The following FRMD4A variants were observed in gnomAD, a reference collection of about 807,000 sequenced individuals.
FRMD4A encodes the protein FERM domain-containing protein 4A.
A neutral mutation model predicts 129.1 loss-of-function variants in FRMD4A; 29 were observed. That is an observed-to-expected ratio of 0.22 (90% CI 0.17 to 0.31). The LOEUF (loss-of-function observed/expected upper bound fraction) is 0.31, where lower values mean the gene tolerates loss of function less well. Among genes scored for constraint, FRMD4A ranks in the 10% least tolerant of loss-of-function variants. The pLI, the probability that FRMD4A is intolerant of heterozygous loss-of-function variation, is 1.00. For synonymous variants in FRMD4A, 634 were observed against 571.6 expected (o/e 1.11, Z -1.56); for missense variants, 1,272 against 1,375.8 (o/e 0.92, Z 1.19).
intron 2 of FRMD4A, among the ~76,000 whole-genome samples, chr10:13,926,895 C>T (rs886577981): frequency 2.6e-5 from 4 of 152,138 alleles, no homozygotes; most frequent in Admixed American, 1.3e-4. Flanking sequence ...CCCACCTTTC[C>T]GAAGAAGGTA....
intron 3 of FRMD4A, among the ~76,000 whole-genome samples, chr10:13,848,595 AGTGTGTGTGTGTACGTGTGT>A (rs1160584486): frequency 9.7e-4 from 130 of 134,406 alleles, no homozygotes; most frequent in South Asian, 4.9e-3. Flanking sequence ...CCTGGGTGTG[AGTGTGTGTGTGTACGTGTGT>A]GTGTGTGTGT....
chr10:14,273,890 A>T (rs1451150146), intron 2 of FRMD4A, among the ~76,000 whole-genome samples: 1 of 152,224 alleles, frequency 6.6e-6, no homozygotes, highest in Non-Finnish European at 1.5e-5. Flanking sequence ...AGTGCAGGGC[A>T]CTGTGCTGGA....
At chr10:14,316,357 C>T (rs1342661487) in intron 2 of FRMD4A, among the ~76,000 whole-genome samples, 1 of 152,016 alleles carries the variant, frequency 6.6e-6, no homozygotes, top group African/African-American at 2.4e-5. Flanking sequence ...CTCTTTCTTG[C>T]CCCTCTGCCT....
intron 15 of FRMD4A, chr10:13,675,950 G>A (rs1419332658): frequency 1.3e-5 from 2 of 152,012 alleles, no homozygotes; most frequent in African/African-American, 4.8e-5. Flanking sequence ...TGTATCATGA[G>A]CAAATTCCCT....
chr10:14,211,655 T>C (rs946790878), intron 2 of FRMD4A, among the ~76,000 whole-genome samples: 3 of 152,222 alleles, frequency 2.0e-5, no homozygotes, highest in Non-Finnish European at 2.9e-5. Context: ...CTTAGCCTGC[T>C]ATCCCCATCA....
intron 2 of FRMD4A, among the ~76,000 whole-genome samples, chr10:14,296,823 G>A (rs1846024238): frequency 6.6e-6 from 1 of 152,112 alleles, no homozygotes; most frequent in Admixed American, 6.6e-5. Context: ...GAAGAGCAAA[G>A]GGAAATGAAG....
intron 2 of FRMD4A, among the ~76,000 whole-genome samples, chr10:14,120,272 A>C (rs1838430746): frequency 6.6e-6 from 1 of 151,600 alleles, no homozygotes; most frequent in African/African-American, 2.4e-5. Flanking sequence ...TTGAGCCTTC[A>C]TATGTCCCTC....
At position 13,694,004 on chromosome 10, in the gene FRMD4A, G is replaced by A. The variant is rs774148025; in HGVS notation, c.1011C>T (p.Ile337=). The A allele has an allele frequency of 3.1e-5, 48 of 1,534,036 alleles. No homozygotes were observed. Among genetic ancestry groups the A allele is most frequent in the Non-Finnish European group, 3.9e-5 (45 of 1,144,796 alleles). Residue 337 remains isoleucine (I), a synonymous_variant, in exon 15 of 25, where the codon ATC becomes ATT. Transcript: ENST00000357447. ...KIHAARSLSE[I]AIDLTETGTL... is the part of the protein sequence containing the mutation. Reference sequence around the variant, plus strand: ...TCCCCGTCTCGGTCAGGTCGATGGCGATCTCACTCAGGCTGCGTGCTGCAT... The same window carrying A: ...TCCCCGTCTCGGTCAGGTCGATGGCAATCTCACTCAGGCTGCGTGCTGCAT...
At chr10:14,047,593 C>G (rs1343661206) in intron 2 of FRMD4A, among the ~76,000 whole-genome samples, 1 of 152,200 alleles carries the variant, frequency 6.6e-6, no homozygotes. Context: ...CTCTCCTCCT[C>G]CTGTTCCCAG....
chr10:13,668,899 G>A (rs761252471), intron 17 of FRMD4A, among the ~76,000 whole-genome samples: 5 of 152,022 alleles, frequency 3.3e-5, no homozygotes, highest in Non-Finnish European at 5.9e-5. Flanking sequence ...CTTTGAGACT[G>A]CATCTCCCCT....
rs1352992950 is a variant in FRMD4A at position 13,734,838 on chromosome 10, TTCTA to T, written c.759+3002_759+3005del. Among the ~76,000 whole-genome samples, 620 of 141,864 alleles carry T rather than the reference TTCTA, an allele frequency of 4.4e-3. 8 individuals carry two copies. The highest frequency in any genetic ancestry group is 0.015 in the African/African-American group (598 of 38,712). 93.1% of individuals were successfully genotyped at this position (141,864 alleles called of 152,430 possible). ...CAATAACTTTTTTTTCTTCTTCTTT[TTCTA>T]TTTATTTATTTATTTATTTATTTAT... On this transcript the variant is annotated intron_variant, in intron 12 of 24. Coordinates refer to ENST00000357447, the MANE Select transcript of FRMD4A (RefSeq NM_018027.5).
At chr10:13,747,944 TG>T (rs1383012724) in intron 8 of FRMD4A, 125 bp from the exon 9 acceptor site, 3 of 680,942 alleles carry the variant, frequency 4.4e-6, no homozygotes, top group South Asian at 1.6e-5. Flanking sequence ...TAAAAAGCAG[TG>T]GGGGGAAGGG....
rs1393546940 is a variant in FRMD4A at position 13,950,102 on chromosome 10, T to C, written c.46-91190A>G. Among the ~76,000 whole-genome samples the C allele has an allele frequency of 8.5e-5, 13 of 152,370 alleles. 1 individual carries two copies. In the East Asian group the frequency reaches 2.5e-3, roughly 29 times the overall value. ...GTTAATTTGGTCTGACCTTAGCCCA[T>C]GTTAGGAATTCTCCTCCACACACAG... On this transcript the variant is annotated intron_variant, in intron 2 of 24. Coordinates refer to ENST00000357447, the MANE Select transcript of FRMD4A (RefSeq NM_018027.5).
intron 15 of FRMD4A, among the ~76,000 whole-genome samples, chr10:13,692,014 C>T (rs892870992): frequency 6.6e-6 from 1 of 152,058 alleles, no homozygotes; most frequent in Non-Finnish European, 1.5e-5. Flanking sequence ...TGAGCATTGA[C>T]CCCATTTTTT....
intron 2 of FRMD4A, among the ~76,000 whole-genome samples, chr10:13,979,005 C>A (rs1375292160): frequency 3.3e-5 from 5 of 152,118 alleles, no homozygotes; most frequent in Non-Finnish European, 5.9e-5. Flanking sequence ...ATATGCACAC[C>A]AGGCCCCAGT....
chr10:13,805,349 T>C (rs1307349616), intron 4 of FRMD4A, among the ~76,000 whole-genome samples: 1 of 152,068 alleles, frequency 6.6e-6, no homozygotes, highest in Non-Finnish European at 1.5e-5. Flanking sequence ...CTAACTATAC[T>C]TGTCTTTTAA....
At chr10:13,853,110 T>A (rs182386690) in intron 3 of FRMD4A, among the ~76,000 whole-genome samples, 1 of 152,130 alleles carries the variant, frequency 6.6e-6, no homozygotes, top group African/African-American at 2.4e-5. Flanking sequence ...GTGGAAATCC[T>A]AGGGCAGCTT....
At chr10:13,980,278 CCCACAGTGTCA>C (rs1397913780) in intron 2 of FRMD4A, among the ~76,000 whole-genome samples, 1 of 152,234 alleles carries the variant, frequency 6.6e-6, no homozygotes, top group East Asian at 1.9e-4. Flanking sequence ...AGGGCCCAGT[CCCACAGTGTCA>C]CTGAGTCCAG....
In FRMD4A at chr10:13,764,534, ACCT is replaced by A. The variant is rs1357174246; in HGVS notation, c.385-1857_385-1855del. On this transcript the variant is annotated intron_variant, in intron 6 of 24. Coordinates refer to ENST00000357447, the MANE Select transcript of FRMD4A (RefSeq NM_018027.5). ...ACAAACAAACAAACAAACAAACAAA[ACCT>A]AACAACAACAAACTCACTAACCATG... 4.4e-3 allele frequency among the ~76,000 whole-genome samples: 605 copies of A among 136,046 alleles called. 1 individual carries two copies. The highest frequency in any genetic ancestry group is 7.0e-3 in the Non-Finnish European group (440 of 62,700). The allele number at this position is 136,046 out of a possible 152,430, so 89.3% of individuals were successfully genotyped here.
Sources: gnomAD v4.1 joint callset for allele counts (sites outside exome capture counted in the v4.1 genomes callset) on GRCh38, gnomAD v4.1.1 for gene constraint, MANE v1.5 for transcripts, NCBI Gene and HGNC (gene_info 2026-07-23, HGNC 2026-07-21) for gene names.